The following ZFP69 variants were observed in gnomAD, a reference collection of about 807,000 sequenced individuals.
ZFP69 encodes the protein zinc finger protein 69 homolog.
ZFP69 carries 35 observed loss-of-function variants against 48.9 expected under a neutral mutation model. That is an observed-to-expected ratio of 0.72 (90% CI 0.55 to 0.95). ZFP69 has a LOEUF of 0.95. ZFP69 is among the 40% of genes least tolerant of loss of function. The pLI is 0.00. For missense variants in ZFP69, 557 were observed against 638.4 expected, an observed-to-expected ratio of 0.87 and a Z score of 1.37; for synonymous variants, 193 against 216.8, an observed-to-expected ratio of 0.89 and a Z score of 0.96.
intron 3 of ZFP69, among the ~76,000 whole-genome samples, chr1:40,488,262 T>TC (rs1356794949): frequency 6.6e-6 from 1 of 152,194 alleles, no homozygotes; most frequent in Non-Finnish European, 1.5e-5. Flanking sequence ...GGTGAGGGGC[T>TC]CCTCCTAGAG....
Position 40,479,491 on chromosome 1 carries a change from G to T in ZFP69, c.127+3G>T. 1 of 1,611,474 alleles carries T rather than the reference G, an allele frequency of 6.2e-7. No individual in the cohort carries two copies. The highest frequency in any genetic ancestry group is 8.5e-7 in the Non-Finnish European group (1 of 1,178,452). On this transcript the variant is annotated splice_donor_region_variant and intron_variant, in intron 2 of 5. Transcript: ENST00000372706. ...GACTAAAATGTTTGAAGGAGAAGGT[G>T]AGAATGGACTGATGGAGGGGGAAGA...
chr1:40,486,466 CCTCCTTT>C (rs1645500367), intron 3 of ZFP69, among the ~76,000 whole-genome samples: 1 of 107,082 alleles, frequency 9.3e-6, no homozygotes, highest in Admixed American at 1.3e-4. Flanking sequence ...TCCCTCCCTC[CCTCCTTT>C]CTTCCTCCCT....
rs992750260 is a variant in ZFP69 at position 40,494,629 on chromosome 1, A to G, written c.443-292A>G. 4.8e-5 allele frequency among the ~76,000 whole-genome samples: 7 copies of G among 147,006 alleles called. No individual in the cohort carries two copies. The East Asian group carries it at 1.2e-3, about 25-fold the overall frequency. On this transcript the variant is annotated intron_variant, in intron 5 of 5. Transcript: ENST00000372706. Reference sequence around the variant, plus strand: ...TTTATAAATATTTTATATATAAAATATACATTATATATAAAATATATATTT... The same window carrying G: ...TTTATAAATATTTTATATATAAAATGTACATTATATATAAAATATATATTT...
chr1:40,485,122 A>T (rs1645482791), intron 3 of ZFP69, among the ~76,000 whole-genome samples: 1 of 151,174 alleles, frequency 6.6e-6, no homozygotes, highest in African/African-American at 2.4e-5. Flanking sequence ...CGAAATCCTG[A>T]CCTCAGGTGA....
intron 5 of ZFP69, chr1:40,491,244 A>G (rs958675390): frequency 2.0e-5 from 3 of 152,154 alleles, no homozygotes; most frequent in African/African-American, 7.2e-5. Context: ...ATAAACCACA[A>G]TGTTCTTATT....
Position 40,495,906 on chromosome 1 carries a change from T to C in ZFP69, c.1428T>C (p.Tyr476=). Residue 476 remains tyrosine, a synonymous_variant, in exon 6 of 6, where the codon TAT becomes TAC. Transcript: ENST00000372706. ...AYECNRCGKA[Y]RHDSSFKKHQ... is the part of the protein sequence containing the mutation. ...AATGCAACCGCTGTGGAAAAGCCTATAGGCATGATTCATCCTTTAAAAAAC... is the reference window on the plus strand; with the variant it reads ...AATGCAACCGCTGTGGAAAAGCCTACAGGCATGATTCATCCTTTAAAAAAC... 1 of 1,614,180 alleles carries C rather than the reference T, an allele frequency of 6.2e-7. No individual in the cohort carries two copies. Among genetic ancestry groups the C allele is most frequent in the Non-Finnish European group, 8.5e-7 (1 of 1,180,036 alleles).
chr1:40,484,582 ATT>A (rs149167154), intron 3 of ZFP69, among the ~76,000 whole-genome samples: 21 of 140,844 alleles, frequency 1.5e-4, no homozygotes, highest in African/African-American at 4.9e-4. Context: ...CAGTTCTTTG[ATT>A]TTTTTTTTTT....
At position 40,495,777 on chromosome 1, in the gene ZFP69, T is replaced by C. The variant is rs3795348; in HGVS notation, c.1299T>C (p.His433=). 57,254 of 1,614,150 alleles carry C rather than the reference T, an allele frequency of 0.035. 1,229 individuals carry two copies. Among genetic ancestry groups the C allele is most frequent in the South Asian group, 0.067 (6,098 of 91,084 alleles). Residue 433 remains histidine (H), a synonymous_variant, in exon 6 of 6, where the codon CAT becomes CAC. Coordinates refer to ENST00000372706, the MANE Select transcript of ZFP69 (RefSeq NM_001320179.2). ...RAYLTHHQRI[H]TGERPYKCKE... ...ATCTAACACATCACCAGAGAATCCA[T>C]ACTGGGGAGAGACCCTACAAATGTA...
chr1:40,492,285 T>TTATATAAATA (rs776162301), intron 5 of ZFP69, among the ~76,000 whole-genome samples: 15 of 152,234 alleles, frequency 9.9e-5, no homozygotes, highest in Non-Finnish European at 1.9e-4. Context: ...GGAATTTATT[T>TTATATAAATA]TATATAAATA....
At chr1:40,481,313 T>C in intron 2 of ZFP69, among the ~76,000 whole-genome samples, 1 of 152,256 alleles carries the variant, frequency 6.6e-6, no homozygotes, top group African/African-American at 2.4e-5. Flanking sequence ...AGGTATAAAG[T>C]AGCAGTACCC....
chr1:40,489,467 C>A (rs1645540198), intron 4 of ZFP69, 62 bp from the exon 5 acceptor site: 7 of 1,468,918 alleles, frequency 4.8e-6, no homozygotes, highest in Non-Finnish European at 5.6e-6. Flanking sequence ...ACTCAAAATT[C>A]TGAGGATGGT....
At chr1:40,489,676 A>G (rs763721047) in intron 5 of ZFP69, 52 bp downstream of exon 5, 20 of 1,307,292 alleles carry the variant, frequency 1.5e-5, no homozygotes, top group Non-Finnish European at 2.0e-5. Context: ...GGAATACCTG[A>G]AACTTCATAA....
intron 3 of ZFP69, among the ~76,000 whole-genome samples, chr1:40,483,252 CT>C (rs1480706135): frequency 1.2e-5 from 1 of 80,202 alleles, no homozygotes; most frequent in Non-Finnish European, 2.0e-5. Flanking sequence ...TTTTTAGAGA[CT>C]GAGTCTCACT....
intron 3 of ZFP69, among the ~76,000 whole-genome samples, chr1:40,485,005 G>A (rs1321988260): frequency 7.0e-6 from 1 of 142,922 alleles, no homozygotes; most frequent in Non-Finnish European, 1.5e-5. Context: ...CGATTCTCCT[G>A]CCTCAGCCTC....
rs542228622 is a variant in ZFP69, at chr1:40,479,119, A to G, written c.-243A>G. On this transcript the variant is annotated 5_prime_UTR_variant, in exon 2 of 6. Coordinates refer to ENST00000372706, the MANE Select transcript of ZFP69 (RefSeq NM_001320179.2). ...CTAAAGAGTATGGAGACATGAACTC[A>G]AACCTAACTAACTGGCTGCCTCCCA... is the stretch of plus-strand genomic sequence containing the variant. 6.1e-5 allele frequency: 26 copies of G among 428,200 alleles called. No homozygotes were observed. The highest frequency in any genetic ancestry group is 5.3e-4 in the African/African-American group (26 of 48,958). The allele number at this position is 428,200 out of a possible 1,614,324, so 26.5% of individuals were successfully genotyped here.
At position 40,479,325 on chromosome 1, in the gene ZFP69, C is replaced by T; in HGVS notation, c.-37C>T. ...CTCATCAAGAGCTTCTGGCAATTTC[C>T]TCACCAGAAGTGGACAAGTCCAGTA... On this transcript the variant is annotated 5_prime_UTR_variant, in exon 2 of 6. Transcript: ENST00000372706. The T allele has an allele frequency of 6.2e-7, 1 of 1,611,382 alleles. No individual in the cohort carries two copies. Among genetic ancestry groups the T allele is most frequent in the South Asian group, 1.1e-5 (1 of 90,986 alleles).
intron 2 of ZFP69, 41 bp downstream of exon 2, chr1:40,479,529 T>G: frequency 6.4e-7 from 1 of 1,572,240 alleles, no homozygotes; most frequent in Non-Finnish European, 8.6e-7. Context: ...GGGATCTCAT[T>G]TGTGTGTGAA....
rs1645624856 is a variant in ZFP69, at chr1:40,495,669, C to T, written c.1191C>T (p.His397=). 6.2e-7 allele frequency: 1 copy of T among 1,614,196 alleles called. No individual in the cohort carries two copies. The highest frequency in any genetic ancestry group is 1.1e-5 in the South Asian group (1 of 91,084). The change falls in exon 6 of 6, where the codon CAC becomes CAT. Residue 397 remains histidine, a synonymous_variant. Transcript: ENST00000372706. ...GGAAAACCTTTAGACAGATTAGACACCTTAGTGAACATATAAGAATTCATA... is the reference window on the plus strand; with the variant it reads ...GGAAAACCTTTAGACAGATTAGACATCTTAGTGAACATATAAGAATTCATA... The part of the protein sequence containing the change: ...ECGKTFRQIR[H]LSEHIRIHTG...
At chr1:40,491,037 C>T (rs369656043) in intron 5 of ZFP69, 2 of 152,244 alleles carry the variant, frequency 1.3e-5, no homozygotes, top group South Asian at 4.1e-4. Context: ...CCCATGTCTT[C>T]GTGCTTTTAT....
Sources: gnomAD v4.1 joint callset for allele counts (sites outside exome capture counted in the v4.1 genomes callset) on GRCh38, gnomAD v4.1.1 for gene constraint, MANE v1.5 for transcripts, NCBI Gene and HGNC (gene_info 2026-07-23, HGNC 2026-07-21) for gene names.